The following UGT1A8 variants were observed in gnomAD, a reference collection of about 807,000 sequenced individuals.
UGT1A8 encodes UDP-glucuronosyltransferase 1A8.
A neutral mutation model predicts 45.3 loss-of-function variants in UGT1A8; 39 were observed. The observed-to-expected ratio is 0.86, with a 90% CI of 0.67 to 1.12. UGT1A8 has a LOEUF of 1.12. Among genes scored for constraint, UGT1A8 ranks in the 50% most tolerant of loss-of-function variants. The pLI is 0.00. For missense variants in UGT1A8, 719 were observed against 664.9 expected, an observed-to-expected ratio of 1.08 and a Z score of -0.90; for synonymous variants, 275 against 249.2, an observed-to-expected ratio of 1.10 and a Z score of -0.97.
At position 233,768,309 on chromosome 2, in the gene UGT1A8, C is replaced by T. The variant is rs1286993592; in HGVS notation, c.1165C>T (p.Pro389Ser). 15 of 1,614,122 alleles carry T rather than the reference C, an allele frequency of 9.3e-6. No homozygotes were observed. The highest frequency in any genetic ancestry group is 1.3e-5 in the Non-Finnish European group (15 of 1,180,034). Reference protein sequence around the residue: ...ICNGVPMVMMPLFGDQMDNAK... With the variant: ...ICNGVPMVMMSLFGDQMDNAK... ...CAATGGCGTTCCCATGGTGATGATG[C>T]CCTTGTTTGGTGATCAGATGGACAA... Residue 389 changes from proline to serine, a missense_variant, in exon 4 of 5, where the codon CCC becomes TCC. Physicochemically the swap from Pro to Ser is moderately conservative, Grantham distance 74 (BLOSUM62 -1). Coordinates refer to ENST00000373450, the MANE Select transcript of UGT1A8 (RefSeq NM_019076.5).
rs1392909464 is a variant in UGT1A8 at position 233,754,916 on chromosome 2, C to T, written c.856-12118C>T. 5.9e-6 allele frequency: 8 copies of T among 1,353,400 alleles called. No homozygotes were observed. The Admixed American group carries it at 9.5e-5, about 16-fold the overall frequency. The allele number at this position is 1,353,400 out of a possible 1,614,324, so 83.8% of individuals were successfully genotyped here. On this transcript the variant is annotated intron_variant, in intron 1 of 4. Coordinates refer to ENST00000373450, the MANE Select transcript of UGT1A8 (RefSeq NM_019076.5). ...TCTGACCCCCCAAAATATTCTCCAG[C>T]GGGTTTCCCAAGAGGTCAAAGGAGA...
At chr2:233,707,468 AT>A (rs896573991) in intron 1 of UGT1A8, among the ~76,000 whole-genome samples, 1 of 150,994 alleles carries the variant, frequency 6.6e-6, no homozygotes, top group African/African-American at 2.4e-5. Flanking sequence ...GCATCTGTAA[AT>A]AATACAGATG....
chr2:233,748,809 T>C (rs927087498), intron 1 of UGT1A8, among the ~76,000 whole-genome samples: 1 of 151,174 alleles, frequency 6.6e-6, no homozygotes, highest in Non-Finnish European at 1.5e-5. Flanking sequence ...TATCAAGAAA[T>C]TGTGGAAGGG....
intron 1 of UGT1A8, among the ~76,000 whole-genome samples, chr2:233,633,933 C>T (rs1209833691): frequency 2.0e-5 from 3 of 152,142 alleles, no homozygotes; most frequent in Non-Finnish European, 2.9e-5. Context: ...CCTGCTTTCT[C>T]CTGTGGGCAT....
intron 1 of UGT1A8, among the ~76,000 whole-genome samples, chr2:233,690,309 T>C (rs1246191165): frequency 2.6e-5 from 4 of 152,226 alleles, no homozygotes; most frequent in Non-Finnish European, 5.9e-5. Flanking sequence ...GCTCCATTAC[T>C]TATGGGTCGT....
rs200049653 is a variant in UGT1A8, at chr2:233,662,003, TG to T, written c.855+43443del. On this transcript the variant is annotated intron_variant, in intron 1 of 4. Coordinates refer to ENST00000373450, the MANE Select transcript of UGT1A8 (RefSeq NM_019076.5). ...GATCAGCCTCACACGGCGTACTGAG[TG>T]GATACTTGCAACACTTGAACTCCCT... Among the ~76,000 whole-genome samples the T allele has an allele frequency of 3.3e-5, 5 of 152,204 alleles. No homozygotes were observed. The East Asian group carries it at 9.7e-4, about 29-fold the overall frequency.
intron 1 of UGT1A8, among the ~76,000 whole-genome samples, chr2:233,671,082 G>C (rs1013423424): frequency 6.6e-6 from 1 of 152,206 alleles, no homozygotes; most frequent in African/African-American, 2.4e-5. Flanking sequence ...AAAACACAAA[G>C]TTGACATCAC....
intron 1 of UGT1A8, among the ~76,000 whole-genome samples, chr2:233,620,592 ATG>A (rs2072984081): frequency 6.6e-6 from 1 of 152,212 alleles, no homozygotes; most frequent in East Asian, 1.9e-4. Flanking sequence ...TATGAAATAA[ATG>A]TGTTTCTATA....
At chr2:233,627,138 T>C (rs1309938278) in intron 1 of UGT1A8, among the ~76,000 whole-genome samples, 1 of 152,092 alleles carries the variant, frequency 6.6e-6, no homozygotes, top group Non-Finnish European at 1.5e-5. Context: ...CTTGGTTTAC[T>C]TCCTTGCTAA....
rs770368532 is a variant in UGT1A8 at position 233,617,669 on chromosome 2, C to G, written c.-39C>G. ...TCTTCCGCCTACTGTATCATAGCAG[C>G]TTAGAATCCCAGCTGCTGGCTCGGG... On this transcript the variant is annotated 5_prime_UTR_variant, in exon 1 of 5. Coordinates refer to ENST00000373450, the MANE Select transcript of UGT1A8 (RefSeq NM_019076.5). 5 of 1,590,628 alleles carry G rather than the reference C, an allele frequency of 3.1e-6. No individual in the cohort carries two copies. The South Asian group carries it at 3.5e-5, about 11-fold the overall frequency.
chr2:233,646,192 C>A (rs2125470003), intron 1 of UGT1A8, among the ~76,000 whole-genome samples: 1 of 152,324 alleles, frequency 6.6e-6, no homozygotes, highest in East Asian at 1.9e-4. Flanking sequence ...GGATGCAAGA[C>A]ACCAAGTCCC....
chr2:233,637,507 T>C, intron 1 of UGT1A8: 1 of 1,483,274 alleles, frequency 6.7e-7, no homozygotes, highest in Non-Finnish European at 8.9e-7. Context: ...TAACAAATTA[T>C]TTTGTGCGAA....
At chr2:233,683,142 ATTG>A (rs1439022715) in intron 1 of UGT1A8, among the ~76,000 whole-genome samples, 5 of 152,112 alleles carry the variant, frequency 3.3e-5, no homozygotes, top group African/African-American at 1.2e-4. Context: ...TTTTGTGTGA[ATTG>A]TTTTCAATTT....
chr2:233,684,677 T>C (rs370065450), intron 1 of UGT1A8, among the ~76,000 whole-genome samples: 1 of 152,114 alleles, frequency 6.6e-6, no homozygotes, highest in Non-Finnish European at 1.5e-5. Flanking sequence ...ATACATATGA[T>C]AGGATTTATA....
chr2:233,682,422 C>A lies in UGT1A8; in HGVS notation c.855+63860C>A, dbSNP rs778628587. On this transcript the variant is annotated intron_variant, in intron 1 of 4. Transcript: ENST00000373450. ...GGCTTAATTGTTGCCAAATATTTCT[C>A]CCTCCCCTCTGTGGTCTTCGCCAGG... is the stretch of plus-strand genomic sequence containing the variant. 1.9e-6 allele frequency: 3 copies of A among 1,613,840 alleles called. No individual in the cohort carries two copies. In the Admixed American group the frequency reaches 5.0e-5, roughly 27 times the overall value.
At chr2:233,689,882 C>T (rs2074964627) in intron 1 of UGT1A8, 1 of 456,432 alleles carries the variant, frequency 2.2e-6, no homozygotes, top group Admixed American at 2.4e-5. Context: ...TTATCAAGTG[C>T]CTTATTTATT....
chr2:233,760,803 G>T lies in UGT1A8; in HGVS notation c.856-6231G>T, dbSNP rs748734877. 2.5e-6 allele frequency: 4 copies of T among 1,613,224 alleles called. No individual in the cohort carries two copies. The highest frequency in any genetic ancestry group is 3.3e-5 in the Admixed American group (2 of 59,970). ...TGTCTCTGCCCACTGTATTCTTCTT[G>T]CATGCACTGCCATGCAGCCTGGAAT... On this transcript the variant is annotated intron_variant, in intron 1 of 4. Transcript: ENST00000373450.
chr2:233,729,424 T>C lies in UGT1A8; in HGVS notation c.856-37610T>C, dbSNP rs371703949. 59 of 1,613,782 alleles carry C rather than the reference T, an allele frequency of 3.7e-5. No homozygotes were observed. The highest frequency in any genetic ancestry group is 4.8e-5 in the Non-Finnish European group (57 of 1,179,838). ...CCATGTGCTGGGCCACACTCAACTGTACTTTGAAACAGAACATTTTCTGAA... is the reference window on the plus strand; with the variant it reads ...CCATGTGCTGGGCCACACTCAACTGCACTTTGAAACAGAACATTTTCTGAA... On this transcript the variant is annotated intron_variant, in intron 1 of 4. Coordinates refer to ENST00000373450, the MANE Select transcript of UGT1A8 (RefSeq NM_019076.5).
At chr2:233,771,290 T>C (rs1700276789) in intron 4 of UGT1A8, 1 of 152,250 alleles carries the variant, frequency 6.6e-6, no homozygotes, top group African/African-American at 2.4e-5. Context: ...CCTTTTCTTT[T>C]CTACTTCCTC....
Sources: allele counts gnomAD v4.1 joint callset (sites outside exome capture counted in the v4.1 genomes callset), GRCh38; gene constraint gnomAD v4.1.1; transcripts MANE v1.5; gene names NCBI Gene and HGNC (gene_info 2026-07-23, HGNC 2026-07-21).